Variants in AUTS2 observed in about 807,000 individuals in gnomAD.
AUTS2 encodes the protein activator of transcription and developmental regulator AUTS2.
Under a neutral mutation model 112.4 loss-of-function variants are expected in AUTS2, and 17 were observed. That is an observed-to-expected ratio of 0.15 (90% CI 0.10 to 0.23). AUTS2 has a LOEUF of 0.23. AUTS2 is among the 10% of genes least tolerant of loss of function. AUTS2 has a pLI of 1.00. For synonymous variants in AUTS2, 751 were observed against 702.7 expected, an observed-to-expected ratio of 1.07 and a Z score of -1.09; for missense variants, 1,510 against 1,701.6, an observed-to-expected ratio of 0.89 and a Z score of 1.98.
chr7:70,432,018 A>G (rs931054875), intron 4 of AUTS2, among the ~76,000 whole-genome samples: 1 of 152,122 alleles, frequency 6.6e-6, no homozygotes, highest in African/African-American at 2.4e-5. Context: ...TGATTGCTGT[A>G]AGGCCTAGTT....
chr7:70,652,305 C>T (rs1450033342), intron 5 of AUTS2, among the ~76,000 whole-genome samples: 1 of 152,048 alleles, frequency 6.6e-6, no homozygotes, highest in Non-Finnish European at 1.5e-5. Context: ...TCCTTCTTCT[C>T]TATTTGATTC....
intron 4 of AUTS2, chr7:70,290,235 T>A: frequency 1.0e-6 from 1 of 961,130 alleles, no homozygotes; most frequent in Non-Finnish European, 1.4e-6. Flanking sequence ...TTTTTCTGTG[T>A]AAAGGAGAAA....
intron 1 of AUTS2, among the ~76,000 whole-genome samples, chr7:69,835,366 A>T (rs900221316): frequency 2.6e-5 from 4 of 152,160 alleles, no homozygotes; most frequent in African/African-American, 9.7e-5. Context: ...TTTTGTAGAA[A>T]ATATCATAAA....
chr7:70,358,235 A>T (rs1322079335), intron 4 of AUTS2, among the ~76,000 whole-genome samples: 1 of 152,158 alleles, frequency 6.6e-6, no homozygotes. Context: ...AGATGGACAG[A>T]CCCAAATGGA....
chr7:70,191,161 CTTTT>C (rs34637651), intron 4 of AUTS2, among the ~76,000 whole-genome samples: 5 of 86,414 alleles, frequency 5.8e-5, no homozygotes, highest in South Asian at 4.5e-4. Context: ...CCACTTATTT[CTTTT>C]TTTTTTTTTT....
At chr7:70,114,969 G>T (rs1466028385) in intron 2 of AUTS2, among the ~76,000 whole-genome samples, 1 of 152,124 alleles carries the variant, frequency 6.6e-6, no homozygotes, top group East Asian at 1.9e-4. Flanking sequence ...CTTGAGCCTG[G>T]CTTTGGAGGA....
chr7:70,688,008 C>T (rs1038287848), intron 5 of AUTS2, among the ~76,000 whole-genome samples: 4 of 152,166 alleles, frequency 2.6e-5, no homozygotes, highest in Non-Finnish European at 4.4e-5. Context: ...CTCCCAGTGG[C>T]GGGCAACCTG....
intron 1 of AUTS2, among the ~76,000 whole-genome samples, chr7:69,648,503 T>G (rs1795142806): frequency 6.6e-6 from 1 of 151,954 alleles, no homozygotes; most frequent in Middle Eastern, 3.2e-3. Context: ...CTTTAAAATT[T>G]TACTTTGGAG....
At chr7:70,106,557 A>G (rs1398110433) in intron 2 of AUTS2, among the ~76,000 whole-genome samples, 1 of 152,138 alleles carries the variant, frequency 6.6e-6, no homozygotes, top group Non-Finnish European at 1.5e-5. Context: ...TTGTCTCTCA[A>G]AAAAATGTAG....
intron 6 of AUTS2, among the ~76,000 whole-genome samples, chr7:70,755,670 A>G (rs1461769690): frequency 6.9e-6 from 1 of 144,608 alleles, no homozygotes; most frequent in East Asian, 1.9e-4. Flanking sequence ...ACTCCATCTC[A>G]AAAAAAAAAT....
intron 1 of AUTS2, among the ~76,000 whole-genome samples, chr7:69,686,221 G>C (rs1204114800): frequency 6.6e-6 from 1 of 152,182 alleles, no homozygotes; most frequent in African/African-American, 2.4e-5. Context: ...AACAGGAGCT[G>C]ATATTTGAAT....
chr7:70,077,741 A>G (rs756078147), intron 2 of AUTS2, among the ~76,000 whole-genome samples: 6 of 152,166 alleles, frequency 3.9e-5, no homozygotes, highest in Non-Finnish European at 7.4e-5. Context: ...CACTTCACCA[A>G]GAGTGGAAGC....
At chr7:70,746,473 T>C (rs1788461340) in intron 6 of AUTS2, among the ~76,000 whole-genome samples, 2 of 152,226 alleles carry the variant, frequency 1.3e-5, no homozygotes, top group Admixed American at 1.3e-4. Context: ...GTCATTCAAA[T>C]ATGAACATAT....
chr7:69,951,800 A>C (rs1392017073), intron 2 of AUTS2, among the ~76,000 whole-genome samples: 2 of 152,098 alleles, frequency 1.3e-5, no homozygotes, highest in Admixed American at 1.3e-4. Flanking sequence ...CTAATGAACT[A>C]TTGATATAAG....
intron 5 of AUTS2, among the ~76,000 whole-genome samples, chr7:70,681,033 T>C (rs1015176752): frequency 1.5e-4 from 23 of 152,166 alleles, no homozygotes; most frequent in Admixed American, 1.5e-3. Context: ...ACATTAGCAG[T>C]AGAGGAACTT....
intron 4 of AUTS2, among the ~76,000 whole-genome samples, chr7:70,313,475 T>C (rs1789850597): frequency 6.6e-6 from 1 of 152,208 alleles, no homozygotes; most frequent in Admixed American, 6.5e-5. Context: ...GTAAACATGC[T>C]CCCCATGACT....
At chr7:70,240,098 A>C (rs1370172720) in intron 4 of AUTS2, among the ~76,000 whole-genome samples, 1 of 152,166 alleles carries the variant, frequency 6.6e-6, no homozygotes, top group East Asian at 1.9e-4. Context: ...CTAGCGTGAC[A>C]TTCCTACTAA....
chr7:70,064,054 C>T lies in AUTS2; in HGVS notation c.523-54078C>T, dbSNP rs541114243. 1.1e-4 allele frequency among the ~76,000 whole-genome samples: 16 copies of T among 152,296 alleles called. 2 individuals carry two copies. In the South Asian group the frequency reaches 3.1e-3, roughly 30 times the overall value. The stretch of plus-strand genomic sequence containing the variant: ...ATTACAGAAGAGCCAAGACTTGTCC[C>T]AAATGGATGTGGGTTTCAGCAAAGC... On this transcript the variant is annotated intron_variant, in intron 2 of 18. Transcript: ENST00000342771.
rs533938234 is a variant in AUTS2, at chr7:69,808,221, C to T, written c.310-91065C>T. Reference sequence around the variant, plus strand: ...GATTACAGGTGTGAGCCACCGCACTCCGGCCAAGGCCGCACTTTTGAAGGG... The same window carrying T: ...GATTACAGGTGTGAGCCACCGCACTTCGGCCAAGGCCGCACTTTTGAAGGG... On this transcript the variant is annotated intron_variant, in intron 1 of 18. Transcript: ENST00000342771. Among the ~76,000 whole-genome samples the T allele has an allele frequency of 2.6e-5, 4 of 152,310 alleles. No individual in the cohort carries two copies. In the South Asian group the frequency reaches 6.2e-4, roughly 24 times the overall value.
Sources: allele counts gnomAD v4.1 joint callset (sites outside exome capture counted in the v4.1 genomes callset), GRCh38; gene constraint gnomAD v4.1.1; transcripts MANE v1.5; gene names NCBI Gene and HGNC (gene_info 2026-07-23, HGNC 2026-07-21).